The following AMOTL1 variants were observed in gnomAD, a reference collection of about 807,000 sequenced individuals.
AMOTL1 encodes angiomotin-like protein 1.
Under a neutral mutation model 102.9 loss-of-function variants are expected in AMOTL1, and 45 were observed. That is an observed-to-expected ratio of 0.44 (90% CI 0.34 to 0.56). The LOEUF (loss-of-function observed/expected upper bound fraction) is 0.56, where lower values mean the gene tolerates loss of function less well. Among genes scored for constraint, AMOTL1 ranks in the 20% least tolerant of loss-of-function variants. The probability of loss-of-function intolerance (pLI) is 0.01; values close to 1 mark genes in which losing one functional copy is unlikely to be tolerated. For missense variants in AMOTL1, 1,114 were observed against 1,225.6 expected, an observed-to-expected ratio of 0.91 and a Z score of 1.36; for synonymous variants, 481 against 484.7, an observed-to-expected ratio of 0.99 and a Z score of 0.10.
At position 94,799,866 on chromosome 11, in the gene AMOTL1, C is replaced by G; in HGVS notation, c.676C>G (p.Gln226Glu). The G allele has an allele frequency of 6.3e-7, 1 of 1,592,090 alleles. No homozygotes were observed. Among genetic ancestry groups the G allele is most frequent in the Non-Finnish European group, 8.6e-7 (1 of 1,168,658 alleles). The change falls in exon 3 of 13, where the codon CAG becomes GAG. Residue 226 changes from glutamine (Q) to glutamate (E), a missense_variant. Transcript: ENST00000433060. The surrounding 1 kb of genome is among the most constrained non-coding windows in gnomAD (Gnocchi z 4.5). ...HGYYMAGGTS[Q>E]KSRTEGRPTV... ...TTACTACATGGCAGGGGGCACCAGT[C>G]AGAAGTCCCGAACTGAGGGGAGGCC...
chr11:94,870,335 A>G (rs1025495530), intron 12 of AMOTL1, among the ~76,000 whole-genome samples: 1 of 152,234 alleles, frequency 6.6e-6, no homozygotes, highest in Non-Finnish European at 1.5e-5. Flanking sequence ...CAATGTTGTC[A>G]CTTTTTAAAG....
chr11:94,787,464 C>T (rs1285206521), intron 1 of AMOTL1, among the ~76,000 whole-genome samples: 5 of 151,674 alleles, frequency 3.3e-5, no homozygotes, highest in Admixed American at 6.6e-5. Context: ...CCGAGACGGG[C>T]GGATCACGAG....
At position 94,864,715 on chromosome 11, in the gene AMOTL1, G is replaced by A. The variant is rs1425189543; in HGVS notation, c.2136-20G>A. On this transcript the variant is annotated intron_variant, in intron 9 of 12. Coordinates refer to ENST00000433060, the MANE Select transcript of AMOTL1 (RefSeq NM_130847.3). ...GCAAGAAGGTTTCCTATGATCAAAC[G>A]CATATCCTTGTGTTGCCAGGGACAC... 6.2e-6 allele frequency: 10 copies of A among 1,609,888 alleles called. No individual in the cohort carries two copies. Among genetic ancestry groups the A allele is most frequent in the Middle Eastern group, 1.7e-4 (1 of 6,042 alleles).
At chr11:94,840,565 G>A in intron 6 of AMOTL1, among the ~76,000 whole-genome samples, 1 of 150,922 alleles carries the variant, frequency 6.6e-6, no homozygotes, top group Non-Finnish European at 1.5e-5. Flanking sequence ...TTTTCCGCCG[G>A]ATGTAATGAT....
chr11:94,775,842 C>T (rs1339468455), intron 1 of AMOTL1, among the ~76,000 whole-genome samples: 1 of 152,204 alleles, frequency 6.6e-6, no homozygotes. Flanking sequence ...TGGGAATGCT[C>T]TATTCACTTG....
chr11:94,809,299 T>A (rs1176010542), intron 3 of AMOTL1, among the ~76,000 whole-genome samples: 1 of 152,194 alleles, frequency 6.6e-6, no homozygotes, highest in Non-Finnish European at 1.5e-5. Context: ...ATGTCTGTTT[T>A]ACCCTTAGAG....
chr11:94,798,510 G>A (rs1951408824), intron 2 of AMOTL1, among the ~76,000 whole-genome samples: 1 of 152,120 alleles, frequency 6.6e-6, no homozygotes, highest in Non-Finnish European at 1.5e-5. Flanking sequence ...TGGCATGGGT[G>A]GTTAAGTATT....
intron 4 of AMOTL1, among the ~76,000 whole-genome samples, chr11:94,826,568 A>T (rs1951967577): frequency 6.6e-6 from 1 of 152,206 alleles, no homozygotes; most frequent in Admixed American, 6.5e-5. Flanking sequence ...ATGTATAAAG[A>T]GGCAAAACGT....
At chr11:94,778,389 T>C (rs1374808802) in intron 1 of AMOTL1, among the ~76,000 whole-genome samples, 1 of 152,182 alleles carries the variant, frequency 6.6e-6, no homozygotes, top group Non-Finnish European at 1.5e-5. Context: ...TTTCAGTAAT[T>C]ATCTATGGAG....
intron 8 of AMOTL1, among the ~76,000 whole-genome samples, chr11:94,855,165 G>A (rs1190543664): frequency 6.6e-6 from 1 of 152,232 alleles, no homozygotes; most frequent in Non-Finnish European, 1.5e-5. Flanking sequence ...AGGGCATAGT[G>A]GTTGTGGTTG....
chr11:94,780,612 G>A (rs569540023), intron 1 of AMOTL1, among the ~76,000 whole-genome samples: 15 of 152,136 alleles, frequency 9.9e-5, no homozygotes, highest in South Asian at 2.1e-4. Flanking sequence ...TGAACTTTAC[G>A]GGGGTGATTC....
At position 94,856,091 on chromosome 11, in the gene AMOTL1, A is replaced by G. The variant is rs1401745166; in HGVS notation, c.1944+2009A>G. On this transcript the variant is annotated intron_variant, in intron 8 of 12. Transcript: ENST00000433060. ...TTGTTGTTGTTGTTTTAATGAGAGC[A>G]TTAATCTGCCTCCTATGATATGAAA... Among the ~76,000 whole-genome samples the G allele has an allele frequency of 2.0e-5, 3 of 152,312 alleles. No individual in the cohort carries two copies. In the East Asian group the frequency reaches 5.8e-4, roughly 29 times the overall value.
intron 1 of AMOTL1, 81 bp downstream of exon 1, chr11:94,768,641 G>T: frequency 6.5e-7 from 1 of 1,545,082 alleles, no homozygotes; most frequent in Non-Finnish European, 8.7e-7. Context: ...GGGCTCCCCG[G>T]GCCCCTGCTG....
chr11:94,834,733 T>G (rs564694821), intron 6 of AMOTL1, among the ~76,000 whole-genome samples: 1 of 152,274 alleles, frequency 6.6e-6, no homozygotes, highest in African/African-American at 2.4e-5. Context: ...TTTTGCTAGG[T>G]GTTCGCACGG....
chr11:94,770,241 G>A (rs2135514493), intron 1 of AMOTL1, among the ~76,000 whole-genome samples: 1 of 152,274 alleles, frequency 6.6e-6, no homozygotes, highest in African/African-American at 2.4e-5. Flanking sequence ...TTCCTAGTAA[G>A]GTGCTCTGAG....
intron 9 of AMOTL1, among the ~76,000 whole-genome samples, chr11:94,861,986 G>A (rs189912515): frequency 5.9e-5 from 9 of 152,208 alleles, no homozygotes; most frequent in South Asian, 2.1e-4. Flanking sequence ...CTTATCCTCC[G>A]TGCAAGGGGA....
intron 1 of AMOTL1, among the ~76,000 whole-genome samples, chr11:94,786,288 C>G (rs932668903): frequency 2.8e-4 from 42 of 152,296 alleles, no homozygotes; most frequent in Middle Eastern, 3.4e-3. Context: ...GTAGAGAAAG[C>G]CTTTTTATTA....
intron 1 of AMOTL1, among the ~76,000 whole-genome samples, 165 bp from the exon 2 acceptor site, chr11:94,794,846 G>A (rs1225597895): frequency 6.6e-6 from 1 of 152,208 alleles, no homozygotes; most frequent in Non-Finnish European, 1.5e-5. Flanking sequence ...CTGGACTTGT[G>A]ATAATTCTGA....
At chr11:94,862,617 A>G (rs1054251933) in intron 9 of AMOTL1, among the ~76,000 whole-genome samples, 4 of 152,204 alleles carry the variant, frequency 2.6e-5, no homozygotes, top group African/African-American at 9.6e-5. Flanking sequence ...AAAGCAATGT[A>G]ATATTTCTTT....
Sources: allele counts gnomAD v4.1 joint callset (sites outside exome capture counted in the v4.1 genomes callset), GRCh38; gene constraint gnomAD v4.1.1; non-coding constraint Gnocchi (gnomAD v3.1); transcripts MANE v1.5; gene names NCBI Gene and HGNC (gene_info 2026-07-23, HGNC 2026-07-21).